ATP8B4: variants seen among roughly 807,000 people sequenced by gnomAD.
ATP8B4 encodes ATPase phospholipid transporting 8B4 (putative).
Under a neutral mutation model 145.6 loss-of-function variants are expected in ATP8B4, and 133 were observed. The ratio of observed to expected loss-of-function variants is 0.91; its 90% confidence interval spans 0.79 to 1.05. The LOEUF (loss-of-function observed/expected upper bound fraction) is 1.05, where lower values mean the gene tolerates loss of function less well. ATP8B4 is among the 50% of genes least tolerant of loss of function. ATP8B4 has a pLI of 0.00. For synonymous variants in ATP8B4, 507 were observed against 492.9 expected, an observed-to-expected ratio of 1.03 and a Z score of -0.38; for missense variants, 1,458 against 1,425.2, an observed-to-expected ratio of 1.02 and a Z score of -0.37.
At chr15:49,977,563 C>T (rs945071408) in intron 12 of ATP8B4, among the ~76,000 whole-genome samples, 3 of 151,972 alleles carry the variant, frequency 2.0e-5, no homozygotes, top group Non-Finnish European at 4.4e-5. Context: ...TTGAAAGCAG[C>T]TCAGCAAATC....
At chr15:50,049,650 C>T (rs1386299344) in intron 3 of ATP8B4, among the ~76,000 whole-genome samples, 1 of 152,098 alleles carries the variant, frequency 6.6e-6, no homozygotes, top group Non-Finnish European at 1.5e-5. Flanking sequence ...GATTTATTTT[C>T]CATTGGGTGT....
intron 1 of ATP8B4, among the ~76,000 whole-genome samples, chr15:50,109,603 G>C (rs2056843783): frequency 6.6e-6 from 1 of 151,568 alleles, no homozygotes; most frequent in Non-Finnish European, 1.5e-5. Flanking sequence ...TGAGTCCCCA[G>C]AGCAGAGGAA....
In ATP8B4 at chr15:49,972,585, A is replaced by G; in HGVS notation, c.1240T>C (p.Tyr414His). The part of the protein sequence containing the change: ...FKRCSINGRI[Y>H]GEVHDDLDQK... ...AGAAAGGAACTGTTTCTCTTACCATAGATTCTCCCATTAATGGAACATCTT... is the reference window on the plus strand; with the variant it reads ...AGAAAGGAACTGTTTCTCTTACCATGGATTCTCCCATTAATGGAACATCTT... Residue 414 changes from tyrosine to histidine, a missense_variant, in exon 13 of 28, where the codon TAT becomes CAT. Tyr to His is a moderately conservative substitution (Grantham distance 83). Transcript: ENST00000284509. The G allele has an allele frequency of 6.2e-7, 1 of 1,611,426 alleles. No individual in the cohort carries two copies. Among genetic ancestry groups the G allele is most frequent in the Non-Finnish European group, 8.5e-7 (1 of 1,177,760 alleles).
At chr15:50,074,238 A>G (rs942182279) in intron 2 of ATP8B4, 53 bp from the exon 3 acceptor site, 3 of 1,465,030 alleles carry the variant, frequency 2.0e-6, no homozygotes, top group East Asian at 2.3e-5. Context: ...AGAGAAACAA[A>G]TAACTCATTA....
chr15:49,966,924 C>G (rs1458529647), intron 13 of ATP8B4, among the ~76,000 whole-genome samples: 1 of 152,192 alleles, frequency 6.6e-6, no homozygotes, highest in Admixed American at 6.5e-5. Context: ...GAGGAAAGAA[C>G]AGGCAGCAAT....
At chr15:50,029,077 C>CA (rs978715273) in intron 6 of ATP8B4, among the ~76,000 whole-genome samples, 3 of 151,108 alleles carry the variant, frequency 2.0e-5, no homozygotes, top group African/African-American at 4.9e-5. Flanking sequence ...TACTAAAATA[C>CA]AAAAAATTAG....
At chr15:50,026,031 A>T (rs1368181302) in intron 6 of ATP8B4, among the ~76,000 whole-genome samples, 1 of 152,236 alleles carries the variant, frequency 6.6e-6, no homozygotes, top group Non-Finnish European at 1.5e-5. Context: ...AATACAATTT[A>T]TCTCCACTGT....
chr15:49,887,095 C>T (rs1003719899), intron 23 of ATP8B4, among the ~76,000 whole-genome samples: 13 of 152,256 alleles, frequency 8.5e-5, no homozygotes, highest in African/African-American at 3.1e-4. Context: ...CAAGCATAAA[C>T]CACCGTTCCT....
At chr15:50,156,916 A>G (rs2044429004) in intron 1 of ATP8B4, among the ~76,000 whole-genome samples, 1 of 152,248 alleles carries the variant, frequency 6.6e-6, no homozygotes, top group South Asian at 2.1e-4. Flanking sequence ...TTAATTAGCC[A>G]TCTTGTATCT....
intron 1 of ATP8B4, among the ~76,000 whole-genome samples, chr15:50,179,812 C>A (rs1005034909): frequency 2.0e-5 from 3 of 152,136 alleles, no homozygotes; most frequent in Non-Finnish European, 4.4e-5. Flanking sequence ...AGACTTGCCT[C>A]CAGAAGTCTG....
chr15:49,932,199 GTTCT>G (rs536368917), intron 15 of ATP8B4, among the ~76,000 whole-genome samples: 183 of 151,884 alleles, frequency 1.2e-3, no homozygotes, highest in African/African-American at 4.3e-3. Context: ...TATACTATGA[GTTCT>G]TTTTGTTAAA....
intron 1 of ATP8B4, among the ~76,000 whole-genome samples, chr15:50,139,053 GA>G (rs1321248081): frequency 6.6e-6 from 1 of 152,174 alleles, no homozygotes; most frequent in Non-Finnish European, 1.5e-5. Context: ...TCTAGAACCA[GA>G]AATAACATTT....
Position 49,981,284 on chromosome 15 carries a change from A to G in ATP8B4, c.759T>C (p.Thr253=). The change falls in exon 11 of 28, where the codon ACT becomes ACC. Residue 253 remains threonine, a synonymous_variant. Coordinates refer to ENST00000284509, the MANE Select transcript of ATP8B4 (RefSeq NM_024837.4). ...FGMVIFAGPD[T]KLMQNSGKTK... is the part of the protein sequence containing the mutation. ...TCTTACCACTATTCTGCATTAGTTTAGTGTCAGGACCTGCAAAAACAAAAA... is the reference window on the plus strand; with the variant it reads ...TCTTACCACTATTCTGCATTAGTTTGGTGTCAGGACCTGCAAAAACAAAAA... The G allele has an allele frequency of 6.2e-7, 1 of 1,607,658 alleles. No individual in the cohort carries two copies. The highest frequency in any genetic ancestry group is 8.5e-7 in the Non-Finnish European group (1 of 1,177,854).
chr15:50,035,735 G>A (rs1262306541), intron 6 of ATP8B4, among the ~76,000 whole-genome samples: 2 of 152,178 alleles, frequency 1.3e-5, no homozygotes, highest in African/African-American at 2.4e-5. Context: ...AAGTCACACA[G>A]TAATCACTTA....
chr15:50,059,065 G>A lies in ATP8B4; in HGVS notation c.88-11601C>T, dbSNP rs922612551. On this transcript the variant is annotated intron_variant, in intron 3 of 27. Transcript: ENST00000284509. ...TTTTTGTGATTATATCATGCACAAC[G>A]GGTTTGAGGAATTTTCACCAAATTT... is the stretch of plus-strand genomic sequence containing the variant. Among the ~76,000 whole-genome samples the A allele has an allele frequency of 5.3e-5, 8 of 152,230 alleles. No homozygotes were observed. In the South Asian group the frequency reaches 6.2e-4, roughly 12 times the overall value.
intron 4 of ATP8B4, among the ~76,000 whole-genome samples, chr15:50,045,914 G>C (rs781581519): frequency 3.9e-5 from 6 of 152,188 alleles, no homozygotes; most frequent in Non-Finnish European, 7.3e-5. Flanking sequence ...AACTTCATGG[G>C]GAGAGGTGGG....
intron 12 of ATP8B4, among the ~76,000 whole-genome samples, chr15:49,976,851 C>A (rs1460148832): frequency 6.6e-6 from 1 of 152,074 alleles, no homozygotes; most frequent in African/African-American, 2.4e-5. Context: ...CATAATCCAG[C>A]CACTTAGTGT....
intron 8 of ATP8B4, among the ~76,000 whole-genome samples, 174 bp from the exon 9 acceptor site, chr15:49,996,933 T>C (rs2047478671): frequency 6.6e-6 from 1 of 152,142 alleles, no homozygotes; most frequent in Non-Finnish European, 1.5e-5. Context: ...GCAGGGCTTC[T>C]TGGGCTCCAA....
At chr15:49,946,904 G>A (rs1302089929) in intron 14 of ATP8B4, among the ~76,000 whole-genome samples, 2 of 152,156 alleles carry the variant, frequency 1.3e-5, no homozygotes, top group African/African-American at 4.8e-5. Context: ...AGCCACAGGA[G>A]TGTCTGCCAA....
Sources: allele counts gnomAD v4.1 joint callset (sites outside exome capture counted in the v4.1 genomes callset), GRCh38; gene constraint gnomAD v4.1.1; transcripts MANE v1.5; gene names NCBI Gene and HGNC (gene_info 2026-07-23, HGNC 2026-07-21).